The following LUZP2 variants were observed in gnomAD, a reference collection of about 807,000 sequenced individuals.
LUZP2 encodes the protein leucine zipper protein 2.
LUZP2 carries 52 observed loss-of-function variants against 51.6 expected under a neutral mutation model. The observed-to-expected ratio is 1.01, with a 90% CI of 0.81 to 1.27. The LOEUF (loss-of-function observed/expected upper bound fraction) is 1.27. Ranked by LOEUF, LUZP2 falls within the 50% of genes most tolerant of loss-of-function variation. LUZP2 has a pLI of 0.00. For missense variants in LUZP2, 436 were observed against 395.4 expected, an observed-to-expected ratio of 1.10 and a Z score of -0.87; for synonymous variants, 154 against 137.3, an observed-to-expected ratio of 1.12 and a Z score of -0.85.
chr11:24,827,497 G>C (rs146062645), intron 5 of LUZP2, among the ~76,000 whole-genome samples: 1 of 152,122 alleles, frequency 6.6e-6, no homozygotes, highest in East Asian at 1.9e-4. Context: ...AGTGAAATCA[G>C]ATGTTAACTA....
chr11:25,037,416 C>G (rs1347515132), intron 9 of LUZP2, among the ~76,000 whole-genome samples: 1 of 152,054 alleles, frequency 6.6e-6, no homozygotes, highest in Non-Finnish European at 1.5e-5. Context: ...TAACCTGACA[C>G]TCTGTATCTT....
intron 5 of LUZP2, chr11:24,892,327 C>G (rs186541582): frequency 1.0e-6 from 1 of 985,192 alleles, no homozygotes; most frequent in African/African-American, 1.7e-5. Flanking sequence ...TGTCTGGCCT[C>G]GAAAGACATT....
At chr11:25,040,804 T>G (rs1182395921) in intron 9 of LUZP2, among the ~76,000 whole-genome samples, 3 of 152,186 alleles carry the variant, frequency 2.0e-5, no homozygotes, top group Non-Finnish European at 4.4e-5. Flanking sequence ...GGAAATTAAA[T>G]GAAGTCAGTT....
chr11:24,943,319 G>A (rs1300230693), intron 7 of LUZP2, among the ~76,000 whole-genome samples: 3 of 152,094 alleles, frequency 2.0e-5, no homozygotes, highest in Non-Finnish European at 4.4e-5. Flanking sequence ...CTTTATAAAT[G>A]TACGCCCTTT....
intron 1 of LUZP2, among the ~76,000 whole-genome samples, chr11:24,720,525 A>G (rs1167368249): frequency 2.0e-5 from 3 of 152,208 alleles, no homozygotes; most frequent in Non-Finnish European, 2.9e-5. Flanking sequence ...TGACCACTTG[A>G]ACCAATGCAT....
chr11:24,908,070 T>C (rs946126882), intron 6 of LUZP2, among the ~76,000 whole-genome samples: 11 of 152,170 alleles, frequency 7.2e-5, no homozygotes, highest in Non-Finnish European at 2.9e-5. Flanking sequence ...CAAATTTAAT[T>C]ATTTGATTCA....
intron 1 of LUZP2, among the ~76,000 whole-genome samples, chr11:24,548,686 T>C (rs1851634464): frequency 6.6e-6 from 1 of 152,020 alleles, no homozygotes; most frequent in South Asian, 2.1e-4. Flanking sequence ...CTTGCCCAGC[T>C]ATCCCCTGAA....
intron 1 of LUZP2, among the ~76,000 whole-genome samples, chr11:24,596,162 G>C (rs1853438957): frequency 6.6e-6 from 1 of 152,086 alleles, no homozygotes; most frequent in African/African-American, 2.4e-5. Flanking sequence ...ATAATCCCAA[G>C]GCACCAGCTT....
intron 5 of LUZP2, among the ~76,000 whole-genome samples, chr11:24,843,184 A>G (rs1851088338): frequency 6.6e-6 from 1 of 152,072 alleles, no homozygotes; most frequent in Non-Finnish European, 1.5e-5. Flanking sequence ...ACTAAATAAT[A>G]TGGTGATTTA....
chr11:24,737,681 T>A (rs1007263876), intron 3 of LUZP2, among the ~76,000 whole-genome samples: 12 of 152,112 alleles, frequency 7.9e-5, no homozygotes, highest in African/African-American at 2.7e-4. Flanking sequence ...CATTTTTAAA[T>A]TATCTTCATT....
At chr11:24,685,214 C>G (rs562778627) in intron 1 of LUZP2, among the ~76,000 whole-genome samples, 4 of 152,094 alleles carry the variant, frequency 2.6e-5, no homozygotes, top group Non-Finnish European at 5.9e-5. Flanking sequence ...AGCCAACTTT[C>G]TTACCAAAGC....
intron 5 of LUZP2, among the ~76,000 whole-genome samples, chr11:24,814,753 G>A (rs1407074715): frequency 6.6e-6 from 1 of 152,124 alleles, no homozygotes; most frequent in African/African-American, 2.4e-5. Flanking sequence ...AGCACTTTGG[G>A]AGGCCAAGGC....
chr11:24,543,762 C>T (rs1213542681), intron 1 of LUZP2, among the ~76,000 whole-genome samples: 8 of 123,650 alleles, frequency 6.5e-5, no homozygotes. Flanking sequence ...TGGAAGTTTG[C>T]AGTGAGCTGA....
At chr11:24,549,668 C>T (rs1851667064) in intron 1 of LUZP2, among the ~76,000 whole-genome samples, 1 of 152,026 alleles carries the variant, frequency 6.6e-6, no homozygotes. Context: ...TACATTTTCA[C>T]TAGACAATAG....
intron 8 of LUZP2, among the ~76,000 whole-genome samples, chr11:24,977,902 A>G (rs1325814676): frequency 6.7e-6 from 1 of 150,142 alleles, no homozygotes; most frequent in African/African-American, 2.5e-5. Flanking sequence ...TTTTTTTTTA[A>G]TTAAAGGAAA....
chr11:24,751,535 T>C, intron 4 of LUZP2: 2 of 958,996 alleles, frequency 2.1e-6, no homozygotes, highest in Non-Finnish European at 2.5e-6. Context: ...GAATGAGAAG[T>C]AATGGGAGTG....
chr11:24,838,446 C>T (rs901331061), intron 5 of LUZP2, among the ~76,000 whole-genome samples: 4 of 151,610 alleles, frequency 2.6e-5, no homozygotes, highest in African/African-American at 9.7e-5. Context: ...AAAAGGTCTT[C>T]TGATTCTAAA....
At chr11:24,790,590 C>T (rs1355083943) in intron 5 of LUZP2, among the ~76,000 whole-genome samples, 2 of 152,060 alleles carry the variant, frequency 1.3e-5, no homozygotes, top group Non-Finnish European at 2.9e-5. Context: ...CAACCTCTGC[C>T]TCGGGGGTTC....
At chr11:24,497,900 C>A (rs897601946) in intron 1 of LUZP2, among the ~76,000 whole-genome samples, 4 of 152,144 alleles carry the variant, frequency 2.6e-5, no homozygotes, top group African/African-American at 7.2e-5. Context: ...GCACAGAAGG[C>A]GATTAAAAGT....
Sources: gnomAD v4.1 joint callset for allele counts (sites outside exome capture counted in the v4.1 genomes callset) on GRCh38, gnomAD v4.1.1 for gene constraint, MANE v1.5 for transcripts, NCBI Gene and HGNC (gene_info 2026-07-23, HGNC 2026-07-21) for gene names.